DIP2A: variants seen among roughly 807,000 people sequenced by gnomAD.
The protein encoded by DIP2A is disco-interacting protein 2 homolog A.
Under a neutral mutation model 177.4 loss-of-function variants are expected in DIP2A, and 85 were observed. The ratio of observed to expected loss-of-function variants is 0.48; its 90% CI spans 0.40 to 0.57. The LOEUF (loss-of-function observed/expected upper bound fraction) is 0.57. Ranked by LOEUF, DIP2A falls within the 20% of genes least tolerant of loss-of-function variation. DIP2A has a pLI of 0.00. For synonymous variants in DIP2A, 886 were observed against 881.8 expected, an observed-to-expected ratio of 1.00 and a Z score of -0.08; for missense variants, 1,791 against 2,100.2, an observed-to-expected ratio of 0.85 and a Z score of 2.88.
At chr21:46,507,827 A>C (rs1294375610) in intron 6 of DIP2A, among the ~76,000 whole-genome samples, 1 of 150,610 alleles carries the variant, frequency 6.6e-6, no homozygotes, top group Non-Finnish European at 1.5e-5. Flanking sequence ...TAGCCTCCCA[A>C]GTAGCTGGAA....
chr21:46,560,331 C>T (rs780636480), intron 32 of DIP2A, among the ~76,000 whole-genome samples: 41 of 152,194 alleles, frequency 2.7e-4, no homozygotes, highest in Middle Eastern at 3.2e-3. Flanking sequence ...GAGCAGTCCC[C>T]GGTAGAATTA....
At position 46,549,879 on chromosome 21, in the gene DIP2A, G is replaced by C; in HGVS notation, c.2631G>C (p.Val877=). ...EEDSFQWMSR[V]LQAIDSIHQV... ...ACAGCTTCCAGTGGATGAGCCGTGT[G>C]CTGCAGGTGGGCGCCCCGGCACGGC... The change falls in exon 22 of 38, where the codon GTG becomes GTC. Residue 877 remains valine (V), a synonymous_variant. Coordinates refer to ENST00000417564, the MANE Select transcript of DIP2A (RefSeq NM_015151.4). 1 of 1,611,126 alleles carries C rather than the reference G, an allele frequency of 6.2e-7. No individual in the cohort carries two copies.
chr21:46,547,312 G>T (rs939725447), intron 21 of DIP2A: 3 of 901,928 alleles, frequency 3.3e-6, no homozygotes, highest in African/African-American at 1.7e-5. Flanking sequence ...ACAAATCAGG[G>T]AGGGAAGAAT....
chr21:46,583,135 C>G, the DIP2A span, among the ~76,000 whole-genome samples: 1 of 152,058 alleles, frequency 6.6e-6, no homozygotes, highest in African/African-American at 2.4e-5. Flanking sequence ...ATAGACATAA[C>G]AAAAAATTCC....
chr21:46,549,382 A>G (rs2060183614), intron 21 of DIP2A, among the ~76,000 whole-genome samples: 2 of 152,248 alleles, frequency 1.3e-5, no homozygotes, highest in South Asian at 4.1e-4. Context: ...TATACTAATC[A>G]CTATAAATGT....
chr21:46,487,504 G>A lies in DIP2A; in HGVS notation c.163+2676G>A, dbSNP rs117432249. ...TGGGTGGTCACAGCTGATGCAGTGC[G>A]ATGGAAAACAAAGCAGAATAAATAA... On this transcript the variant is annotated intron_variant, in intron 2 of 37. Transcript: ENST00000417564. Among the ~76,000 whole-genome samples, 1,312 of 152,244 alleles carry A rather than the reference G, an allele frequency of 8.6e-3. 8 individuals carry two copies. The highest frequency in any genetic ancestry group is 0.014 in the Non-Finnish European group (979 of 68,018).
chr21:46,522,547 G>A lies in DIP2A; in HGVS notation c.1103-6545G>A, dbSNP rs75729658. Among the ~76,000 whole-genome samples, 973 of 152,278 alleles carry A rather than the reference G, an allele frequency of 6.4e-3. 10 individuals are homozygous for A. Among genetic ancestry groups the A allele is most frequent in the African/African-American group, 0.022 (922 of 41,562 alleles). ...AGTGTTATCTCTCAGTGGGGCTTGG[G>A]GGACATTTCCATACCTTCTAGGTGG... On this transcript the variant is annotated intron_variant, in intron 8 of 37. Coordinates refer to ENST00000417564, the MANE Select transcript of DIP2A (RefSeq NM_015151.4).
At chr21:46,462,410 TC>T (rs1366521637) in intron 1 of DIP2A, 1 of 152,224 alleles carries the variant, frequency 6.6e-6, no homozygotes, top group Non-Finnish European at 1.5e-5. Flanking sequence ...TTACAATGTC[TC>T]TAAACGTGGG....
At chr21:46,536,514 TGTG>T (rs2030841779) in intron 13 of DIP2A, among the ~76,000 whole-genome samples, 1 of 152,138 alleles carries the variant, frequency 6.6e-6, no homozygotes, top group Admixed American at 6.5e-5. Flanking sequence ...ATTGAGGAGA[TGTG>T]GTGTAGAGTT....
intron 5 of DIP2A, among the ~76,000 whole-genome samples, chr21:46,499,958 G>A (rs1311683430): frequency 6.6e-6 from 1 of 152,182 alleles, no homozygotes; most frequent in African/African-American, 2.4e-5. Flanking sequence ...AAAACTGAAA[G>A]GTGACACCTG....
intron 1 of DIP2A, among the ~76,000 whole-genome samples, chr21:46,471,182 C>T (rs1412598463): frequency 1.3e-5 from 2 of 152,190 alleles, no homozygotes; most frequent in East Asian, 3.9e-4. Flanking sequence ...TTCAGGTGCA[C>T]TCTACCGTGC....
chr21:46,555,072 C>T, intron 28 of DIP2A, 139 bp downstream of exon 28: 2 of 878,400 alleles, frequency 2.3e-6, no homozygotes, highest in South Asian at 3.2e-5. Flanking sequence ...AGGGGGTGCC[C>T]CGGGCCCTGG....
the DIP2A span, among the ~76,000 whole-genome samples, chr21:46,583,768 C>T: frequency 4.6e-5 from 7 of 152,232 alleles, no homozygotes; most frequent in Admixed American, 2.0e-4. Context: ...CCACCTCCCA[C>T]CATGGGATGA....
At chr21:46,578,491 A>G in the DIP2A span, among the ~76,000 whole-genome samples, 1 of 152,150 alleles carries the variant, frequency 6.6e-6, no homozygotes, top group Non-Finnish European at 1.5e-5. Context: ...TTCCAATGTT[A>G]TGTTGAATAG....
Position 46,545,268 on chromosome 21 carries a change from T to C in DIP2A, c.2308T>C (p.Phe770Leu). ...ATTGCTTGGAATCACGAAGAATGTGTTTGAGGTTTGTCCCTTTTCCTGACT... is the reference window on the plus strand; with the variant it reads ...ATTGCTTGGAATCACGAAGAATGTGCTTGAGGTTTGTCCCTTTTCCTGACT... ...YGLLGITKNV[F>L]EAVPVTTGGA... The change falls in exon 19 of 38, where the codon TTT (phenylalanine) becomes CTT (leucine). Residue 770 changes from phenylalanine (F) to leucine (L), a missense_variant. Transcript: ENST00000417564. The C allele has an allele frequency of 6.3e-7, 1 of 1,590,740 alleles. No homozygotes were observed. The highest frequency in any genetic ancestry group is 8.6e-7 in the Non-Finnish European group (1 of 1,162,182).
intron 3 of DIP2A, among the ~76,000 whole-genome samples, chr21:46,496,181 A>G (rs1477640693): frequency 1.3e-5 from 2 of 152,028 alleles, no homozygotes; most frequent in East Asian, 3.9e-4. Flanking sequence ...GATTACAGGC[A>G]TGAGCCACTG....
intron 8 of DIP2A, among the ~76,000 whole-genome samples, chr21:46,526,212 C>T (rs1036621963): frequency 7.2e-5 from 11 of 151,874 alleles, no homozygotes; most frequent in African/African-American, 2.7e-4. Context: ...CACCTGGCCA[C>T]CTTTGCATTA....
At chr21:46,545,671 A>G (rs909374154) in intron 19 of DIP2A, among the ~76,000 whole-genome samples, 3 of 152,246 alleles carry the variant, frequency 2.0e-5, no homozygotes, top group South Asian at 2.1e-4. Context: ...GAGCAGAGGT[A>G]AAAGGGATGC....
chr21:46,537,643 A>T lies in DIP2A; in HGVS notation c.1801+104A>T. On this transcript the variant is annotated intron_variant, in intron 15 of 37. Coordinates refer to ENST00000417564, the MANE Select transcript of DIP2A (RefSeq NM_015151.4). The surrounding 1 kb of genome is among the most constrained non-coding windows in gnomAD (Gnocchi z 4.1). ...ATAAAGCTGACATGTGGAACTGCAGATGTAGGCTGAAGAGCTGTGGGACGT... is the reference window on the plus strand; with the variant it reads ...ATAAAGCTGACATGTGGAACTGCAGTTGTAGGCTGAAGAGCTGTGGGACGT... 8.9e-7 allele frequency: 1 copy of T among 1,126,048 alleles called. No homozygotes were observed. The highest frequency in any genetic ancestry group is 2.0e-4 in the Middle Eastern group (1 of 4,968). 69.8% of individuals were successfully genotyped at this position (1,126,048 alleles called of 1,614,324 possible). A position where few individuals can be genotyped will look rare whatever the true frequency, so the allele number is the denominator to read the frequency against.
Sources: gnomAD v4.1 joint callset for allele counts (sites outside exome capture counted in the v4.1 genomes callset) on GRCh38, gnomAD v4.1.1 for gene constraint, Gnocchi (gnomAD v3.1) non-coding constraint, MANE v1.5 for transcripts, NCBI Gene and HGNC (gene_info 2026-07-23, HGNC 2026-07-21) for gene names.